SLC9C1: variants seen among roughly 807,000 people sequenced by gnomAD.
SLC9C1 encodes sodium/hydrogen exchanger 10.
SLC9C1 carries 97 observed loss-of-function variants against 140.9 expected under a neutral mutation model. That is an observed-to-expected ratio of 0.69 (90% CI 0.58 to 0.82). The LOEUF is 0.82. SLC9C1 is among the 40% of genes least tolerant of loss of function. The pLI, the probability that SLC9C1 is intolerant of heterozygous loss-of-function variation, is 0.00. For synonymous variants in SLC9C1, 440 were observed against 442.6 expected, an observed-to-expected ratio of 0.99 and a Z score of 0.07; for missense variants, 1,340 against 1,389.3, an observed-to-expected ratio of 0.96 and a Z score of 0.56.
chr3:112,212,033 A>G (rs2078222703), intron 15 of SLC9C1, among the ~76,000 whole-genome samples: 1 of 152,240 alleles, frequency 6.6e-6, no homozygotes, highest in Admixed American at 6.5e-5. Flanking sequence ...TCAGGCAGCA[A>G]CATTTGCTGT....
At chr3:112,201,004 C>G (rs1344602123) in intron 18 of SLC9C1, among the ~76,000 whole-genome samples, 1 of 151,972 alleles carries the variant, frequency 6.6e-6, no homozygotes, top group African/African-American at 2.4e-5. Context: ...AGTCATGATT[C>G]TGAAAAGTGC....
chr3:112,257,941 A>T (rs1452759189), intron 10 of SLC9C1, among the ~76,000 whole-genome samples: 1 of 152,238 alleles, frequency 6.6e-6, no homozygotes, highest in Non-Finnish European at 1.5e-5. Flanking sequence ...CATATTTTAA[A>T]AAGCTCAGTA....
At chr3:112,242,278 G>A (rs1052206033) in intron 11 of SLC9C1, among the ~76,000 whole-genome samples, 2 of 152,030 alleles carry the variant, frequency 1.3e-5, no homozygotes, top group Non-Finnish European at 2.9e-5. Context: ...AATTGGCAAA[G>A]GTTAAGTGTC....
chr3:112,178,646 A>G (rs1313698046), intron 23 of SLC9C1, among the ~76,000 whole-genome samples: 2 of 152,210 alleles, frequency 1.3e-5, no homozygotes, highest in East Asian at 1.9e-4. Context: ...CACTTCTGCT[A>G]CATCACATCA....
At chr3:112,144,922 A>G (rs1576191746) in intron 28 of SLC9C1, among the ~76,000 whole-genome samples, 1 of 151,898 alleles carries the variant, frequency 6.6e-6, no homozygotes, top group African/African-American at 2.4e-5. Flanking sequence ...TCTTTTTTGG[A>G]TGACTTTATT....
At chr3:112,143,566 T>A (rs1382178198) in intron 28 of SLC9C1, among the ~76,000 whole-genome samples, 1 of 152,162 alleles carries the variant, frequency 6.6e-6, no homozygotes, top group Non-Finnish European at 1.5e-5. Flanking sequence ...ATGTCTTTCA[T>A]GCATTTTTAA....
rs60551268 is a variant in SLC9C1 at position 112,233,026 on chromosome 3, TAC to T, written c.1447-1542_1447-1541del. Among the ~76,000 whole-genome samples, 482 of 134,384 alleles carry T rather than the reference TAC, an allele frequency of 3.6e-3. 1 individual carries two copies. The highest frequency in any genetic ancestry group is 4.5e-3 in the Non-Finnish European group (295 of 64,840). 88.2% of individuals were successfully genotyped at this position (134,384 alleles called of 152,430 possible). A position where few individuals can be genotyped will look rare whatever the true frequency, so the allele number is the denominator to read the frequency against. ...AGCCATTTTCTAAGGTTCACTTTCATACACACACACACACACACACACACATA... is the reference window on the plus strand; with the variant it reads ...AGCCATTTTCTAAGGTTCACTTTCATACACACACACACACACACACACATA... On this transcript the variant is annotated intron_variant, in intron 12 of 28. Coordinates refer to ENST00000305815, the MANE Select transcript of SLC9C1 (RefSeq NM_183061.3).
chr3:112,287,237 A>G (rs897651816), intron 1 of SLC9C1, among the ~76,000 whole-genome samples: 3 of 152,256 alleles, frequency 2.0e-5, no homozygotes, highest in African/African-American at 7.2e-5. Flanking sequence ...TGGAAGGACA[A>G]CAAAGGGTTT....
Position 112,195,471 on chromosome 3 carries a change from T to TA in SLC9C1, c.2523+3849dup, listed in dbSNP as rs576876009. Among the ~76,000 whole-genome samples the TA allele has an allele frequency of 3.3e-4, 51 of 152,276 alleles. No individual in the cohort carries two copies. In the South Asian group the frequency reaches 8.5e-3, roughly 25 times the overall value. On this transcript the variant is annotated intron_variant, in intron 20 of 28. Transcript: ENST00000305815. The stretch of plus-strand genomic sequence containing the variant: ...AAGTAATTACTGATAAGAAGGAACT[T>TA]ACTTCTGTCATTTTGCTGTATTTTT...
At chr3:112,208,095 T>G in intron 16 of SLC9C1, 83 bp downstream of exon 16, 1 of 1,094,878 alleles carries the variant, frequency 9.1e-7, no homozygotes, top group Non-Finnish European at 1.3e-6. Context: ...GAAAATTGTC[T>G]GTTGCTGGTG....
intron 12 of SLC9C1, among the ~76,000 whole-genome samples, chr3:112,235,801 G>A (rs2078968124): frequency 6.6e-6 from 1 of 152,132 alleles, no homozygotes; most frequent in Non-Finnish European, 1.5e-5. Flanking sequence ...AACCAGACTT[G>A]CATCCCAGGG....
chr3:112,141,335 A>T, intron 28 of SLC9C1, 54 bp from the exon 29 acceptor site: 1 of 1,542,962 alleles, frequency 6.5e-7, no homozygotes, highest in Non-Finnish European at 8.7e-7. Flanking sequence ...GAATCTTTCA[A>T]TATTGACTTA....
rs1367481822 is a variant in SLC9C1, at chr3:112,233,086, T to A, written c.1447-1600A>T. Among the ~76,000 whole-genome samples the A allele has an allele frequency of 3.6e-5, 5 of 140,404 alleles. No individual in the cohort carries two copies. The East Asian group carries it at 8.2e-4, about 23-fold the overall frequency. The allele number at this position is 140,404 out of a possible 152,430, so 92.1% of individuals were successfully genotyped here. A position where few individuals can be genotyped will look rare whatever the true frequency, so the allele number is the denominator to read the frequency against. ...ATATATATTATATTTTTTTTTTTTTTAAGAAAGGGTATCTCTTTGCTGCCC... is the reference window on the plus strand; with the variant it reads ...ATATATATTATATTTTTTTTTTTTTAAAGAAAGGGTATCTCTTTGCTGCCC... On this transcript the variant is annotated intron_variant, in intron 12 of 28. Transcript: ENST00000305815.
chr3:112,199,374 C>T lies in SLC9C1; in HGVS notation c.2470G>A (p.Ala824Thr), dbSNP rs1232600685. ...MLNMATEILK[A>T]FGLKGIISKT... ...CTAATAATTCCTTTTAAGCCAAAAG[C>T]CTTAAGAATTTCTGTAGCCATATTG... The change falls in exon 20 of 29, where the codon GCT (alanine) becomes ACT (threonine). Residue 824 changes from alanine (A) to threonine (T), a missense_variant. Coordinates refer to ENST00000305815, the MANE Select transcript of SLC9C1 (RefSeq NM_183061.3). The T allele has an allele frequency of 1.9e-6, 3 of 1,596,522 alleles. No individual in the cohort carries two copies. Among genetic ancestry groups the T allele is most frequent in the African/African-American group, 2.7e-5 (2 of 74,210 alleles).
chr3:112,217,588 A>T, intron 14 of SLC9C1, 27 bp from the exon 15 acceptor site: 1 of 1,549,926 alleles, frequency 6.5e-7, no homozygotes, highest in Non-Finnish European at 8.7e-7. Flanking sequence ...ATCTTTAAAC[A>T]TGCTTTAAAC....
Position 112,149,351 on chromosome 3 carries a change from G to A in SLC9C1, c.3524+2506C>T, listed in dbSNP as rs533730601. On this transcript the variant is annotated intron_variant, in intron 28 of 28. Transcript: ENST00000305815. ...GATCTGCCTGGGCATGAAGCAGAGAGAGAGTTCCCACACACCAGGATCTCT... is the reference window on the plus strand; with the variant it reads ...GATCTGCCTGGGCATGAAGCAGAGAAAGAGTTCCCACACACCAGGATCTCT... Among the ~76,000 whole-genome samples the A allele has an allele frequency of 1.3e-4, 19 of 151,846 alleles. No homozygotes were observed. The South Asian group carries it at 3.8e-3, about 30-fold the overall frequency.
At chr3:112,220,298 T>C (rs1309475839) in intron 14 of SLC9C1, among the ~76,000 whole-genome samples, 1 of 152,236 alleles carries the variant, frequency 6.6e-6, no homozygotes, top group Non-Finnish European at 1.5e-5. Context: ...GCTGCTTCTT[T>C]TCTAACATCT....
chr3:112,239,878 TG>T lies in SLC9C1; in HGVS notation c.1407del (p.Asn469LysfsTer2). 1 of 1,613,620 alleles carries T rather than the reference TG, an allele frequency of 6.2e-7. No individual in the cohort carries two copies. Among genetic ancestry groups the T allele is most frequent in the Non-Finnish European group, 8.5e-7 (1 of 1,179,880 alleles). On this transcript the variant is annotated frameshift_variant, in exon 12 of 29. Coordinates refer to ENST00000305815, the MANE Select transcript of SLC9C1 (RefSeq NM_183061.3). LOFTEE classifies it high-confidence loss of function. ...TCAAGTGTAATTGCTTTCTCAATCA[TG>T]TTCCAATCAGCATTAGCAAGATCTT... ...FDKDLANADWNMIEKAITLEN... is the reference protein window; with the variant it reads ...FDKDLANADWXMIEKAITLEN...
At chr3:112,211,286 C>T (rs1036988226) in intron 15 of SLC9C1, among the ~76,000 whole-genome samples, 7 of 152,182 alleles carry the variant, frequency 4.6e-5, no homozygotes, top group Non-Finnish European at 7.3e-5. Context: ...ATGAGTGACA[C>T]AGAAGACAGG....
Sources: allele counts gnomAD v4.1 joint callset (sites outside exome capture counted in the v4.1 genomes callset), GRCh38; gene constraint gnomAD v4.1.1; transcripts MANE v1.5; gene names NCBI Gene and HGNC (gene_info 2026-07-23, HGNC 2026-07-21).